TTC28: variants seen among roughly 807,000 people sequenced by gnomAD.
TTC28 encodes tetratricopeptide repeat protein 28.
TTC28 carries 61 observed loss-of-function variants against 198.0 expected under a neutral mutation model. That is an observed-to-expected ratio of 0.31 (90% CI 0.25 to 0.38). TTC28 has a LOEUF of 0.38. Among genes scored for constraint, TTC28 ranks in the 10% least tolerant of loss-of-function variants. The pLI, the probability that TTC28 is intolerant of heterozygous loss-of-function variation, is 1.00. For missense variants in TTC28, 2,678 were observed against 3,164.0 expected (o/e 0.85, Z 3.69); for synonymous variants, 1,171 against 1,297.8 (o/e 0.90, Z 2.10).
At chr22:27,999,306 C>T (rs1378114349) in intron 15 of TTC28, 46 bp from the exon 16 acceptor site, 4 of 1,502,608 alleles carry the variant, frequency 2.7e-6, no homozygotes, top group African/African-American at 1.4e-5. Context: ...GACAGAACAG[C>T]CAGGCTGCCC....
chr22:28,506,361 G>T (rs2048612800), intron 2 of TTC28, among the ~76,000 whole-genome samples: 1 of 150,666 alleles, frequency 6.6e-6, no homozygotes, highest in Non-Finnish European at 1.5e-5. Context: ...CTCCCTGCAG[G>T]GGTTTCAGTC....
intron 12 of TTC28, among the ~76,000 whole-genome samples, chr22:28,042,581 G>C (rs921888996): frequency 6.6e-6 from 1 of 152,114 alleles, no homozygotes. Context: ...GGGCTTGTCA[G>C]GGGGTGGGGG....
intron 2 of TTC28, among the ~76,000 whole-genome samples, chr22:28,590,061 A>AAAAAAAAAAAAAAAAAAAC (rs1555898135): frequency 1.4e-5 from 2 of 142,304 alleles, no homozygotes; most frequent in Admixed American, 7.0e-5. Context: ...AAAAAAAAAA[A>AAAAAAAAAAAAAAAAAAAC]ACACAGAAAA....
chr22:28,331,690 G>A (rs1046339370), intron 2 of TTC28, among the ~76,000 whole-genome samples: 1 of 152,038 alleles, frequency 6.6e-6, no homozygotes. Context: ...TAAACTCAGT[G>A]TCTTTCAAAC....
At chr22:28,207,223 G>GAAAAAAAAAAAAAAAA (rs367995993) in intron 5 of TTC28, among the ~76,000 whole-genome samples, 2 of 78,690 alleles carry the variant, frequency 2.5e-5, no homozygotes, top group African/African-American at 4.0e-5. Flanking sequence ...CTAAGCAGAT[G>GAAAAAAAAAAAAAAAA]GAAAAAAAAA....
intron 12 of TTC28, among the ~76,000 whole-genome samples, chr22:28,041,396 T>C (rs886171385): frequency 6.6e-6 from 1 of 152,052 alleles, no homozygotes; most frequent in Admixed American, 6.6e-5. Context: ...TATAGACCAA[T>C]GGAACAGAAC....
At chr22:28,156,262 CTT>C (rs1402294738) in intron 6 of TTC28, among the ~76,000 whole-genome samples, 4 of 152,152 alleles carry the variant, frequency 2.6e-5, no homozygotes, top group Non-Finnish European at 5.9e-5. Context: ...TCACAACAGT[CTT>C]TATTGGAGAA....
At chr22:28,455,550 T>C (rs1229130909) in intron 2 of TTC28, among the ~76,000 whole-genome samples, 1 of 151,630 alleles carries the variant, frequency 6.6e-6, no homozygotes, top group Non-Finnish European at 1.5e-5. Context: ...TCCATCTCCC[T>C]AAAAATACAA....
At chr22:28,324,391 G>T (rs2045493204) in intron 2 of TTC28, among the ~76,000 whole-genome samples, 1 of 151,306 alleles carries the variant, frequency 6.6e-6, no homozygotes, top group Non-Finnish European at 1.5e-5. Flanking sequence ...ATTTTATGAG[G>T]CCAGCATCAT....
At chr22:28,234,437 A>T (rs555427114) in intron 5 of TTC28, among the ~76,000 whole-genome samples, 3 of 151,816 alleles carry the variant, frequency 2.0e-5, no homozygotes, top group Non-Finnish European at 4.4e-5. Context: ...CAGTGGCACG[A>T]TCTCAGCTCA....
Position 28,107,978 on chromosome 22 carries a change from G to A in TTC28, c.1867C>T (p.Leu623Phe), listed in dbSNP as rs1942367314. The A allele has an allele frequency of 6.4e-7, 1 of 1,551,502 alleles. No homozygotes were observed. The highest frequency in any genetic ancestry group is 1.2e-5 in the South Asian group (1 of 84,064). ...AAPYYEQYLRLAPDLQDMEGE... is the reference protein window; with the variant it reads ...AAPYYEQYLRFAPDLQDMEGE... The stretch of plus-strand genomic sequence containing the variant: ...TCCATGTCTTGAAGGTCGGGAGCAA[G>A]CCGGAGGTACTGTTCATAATAGGGG... Residue 623 changes from leucine (L) to phenylalanine (F), a missense_variant, in exon 7 of 23, where the codon CTT becomes TTT. By Grantham distance (22) the Leu-to-Phe change is conservative. Transcript: ENST00000397906.
Position 28,341,977 on chromosome 22 carries a change from G to C in TTC28, c.382-35334C>G, listed in dbSNP as rs371357546. 8.6e-5 allele frequency among the ~76,000 whole-genome samples: 13 copies of C among 151,786 alleles called. No homozygotes were observed. In the South Asian group the frequency reaches 2.7e-3, roughly 32 times the overall value. ...CTGGGTAACAGAGCAAGATCCTGTCGCTTAAAAAAACAGAAAAAAATTTAA... is the reference window on the plus strand; with the variant it reads ...CTGGGTAACAGAGCAAGATCCTGTCCCTTAAAAAAACAGAAAAAAATTTAA... On this transcript the variant is annotated intron_variant, in intron 2 of 22. Transcript: ENST00000397906.
At chr22:28,308,744 A>G (rs1197157852) in intron 2 of TTC28, among the ~76,000 whole-genome samples, 1 of 152,152 alleles carries the variant, frequency 6.6e-6, no homozygotes, top group Non-Finnish European at 1.5e-5. Context: ...GCCTCCCACA[A>G]TCTTGGTTTC....
intron 2 of TTC28, among the ~76,000 whole-genome samples, chr22:28,482,704 T>C (rs1280304987): frequency 6.6e-6 from 1 of 152,170 alleles, no homozygotes; most frequent in Non-Finnish European, 1.5e-5. Flanking sequence ...TAAAATCCCA[T>C]ACTCATTAAG....
chr22:28,175,023 TA>T (rs760749501), intron 5 of TTC28, among the ~76,000 whole-genome samples: 7,331 of 137,876 alleles, frequency 0.053, 412 homozygotes, highest in African/African-American at 0.14. Flanking sequence ...GGTAGTCTCT[TA>T]AAAAAAAAAA....
intron 2 of TTC28, among the ~76,000 whole-genome samples, chr22:28,391,588 C>T (rs530396008): frequency 1.0e-3 from 159 of 152,260 alleles, no homozygotes; most frequent in Non-Finnish European, 2.0e-3. Flanking sequence ...TCATTTCATT[C>T]ACTTCATCTT....
chr22:28,042,541 T>C (rs1458899957), intron 12 of TTC28, among the ~76,000 whole-genome samples: 1 of 150,764 alleles, frequency 6.6e-6, no homozygotes, highest in East Asian at 1.9e-4. Flanking sequence ...TGAGAACACA[T>C]GGACACAGGG....
intron 1 of TTC28, among the ~76,000 whole-genome samples, chr22:28,636,476 A>G (rs1381020871): frequency 6.6e-6 from 1 of 152,154 alleles, no homozygotes; most frequent in African/African-American, 2.4e-5. Flanking sequence ...TCATCCAGCA[A>G]TGGACACTTA....
chr22:28,452,111 C>A (rs2146256451), intron 2 of TTC28, among the ~76,000 whole-genome samples: 1 of 152,078 alleles, frequency 6.6e-6, no homozygotes, highest in Middle Eastern at 3.4e-3. Flanking sequence ...AGAGGCTGGC[C>A]AGGCGCGATG....
Sources: allele counts gnomAD v4.1 joint callset (sites outside exome capture counted in the v4.1 genomes callset), GRCh38; gene constraint gnomAD v4.1.1; transcripts MANE v1.5; gene names NCBI Gene and HGNC (gene_info 2026-07-23, HGNC 2026-07-21).